The following CLTB variants were observed in gnomAD, a reference collection of about 807,000 sequenced individuals.
The protein encoded by CLTB is clathrin, light chain (Lcb).
In CLTB, 10 loss-of-function variants were observed where a neutral mutation model predicts 30.5. That is an observed-to-expected ratio of 0.33 (90% CI 0.20 to 0.56). The LOEUF is 0.56. Ranked by LOEUF, CLTB falls within the 20% of genes least tolerant of loss-of-function variation. CLTB has a pLI of 0.91. For synonymous variants in CLTB, 102 were observed against 120.3 expected (o/e 0.85, Z 1.00); for missense variants, 261 against 308.3 (o/e 0.85, Z 1.15).
intron 5 of CLTB, among the ~76,000 whole-genome samples, chr5:176,394,496 AC>A (rs1392509461): frequency 2.0e-5 from 3 of 151,830 alleles, no homozygotes; most frequent in Non-Finnish European, 2.9e-5. Flanking sequence ...ACATGGTGAA[AC>A]CCCATCTCTA....
chr5:176,414,681 G>A (rs893976315), intron 1 of CLTB, among the ~76,000 whole-genome samples: 26 of 152,324 alleles, frequency 1.7e-4, no homozygotes, highest in Admixed American at 3.9e-4. Flanking sequence ...AGAGCATGGA[G>A]CCCAGAGTTG....
At chr5:176,398,332 G>A (rs1021755584) in intron 2 of CLTB, among the ~76,000 whole-genome samples, 6 of 152,196 alleles carry the variant, frequency 3.9e-5, no homozygotes, top group South Asian at 2.1e-4. Flanking sequence ...TCAAGAAAGC[G>A]TGTGCCAGCC....
At chr5:176,408,831 G>A (rs72807222) in intron 2 of CLTB, among the ~76,000 whole-genome samples, 4,003 of 152,246 alleles carry the variant, frequency 0.026, 87 homozygotes, top group Non-Finnish European at 0.037. Context: ...GGTTTTCCTC[G>A]TTTTTTGCAG....
intron 2 of CLTB, among the ~76,000 whole-genome samples, chr5:176,402,668 T>C (rs560446432): frequency 6.6e-6 from 1 of 152,314 alleles, no homozygotes; most frequent in South Asian, 2.1e-4. Context: ...CTTTCAAGAA[T>C]ACTGAATGAA....
Position 176,397,681 on chromosome 5 carries a change from C to T in CLTB, c.390G>A (p.Glu130=). 6.2e-7 allele frequency: 1 copy of T among 1,613,716 alleles called. No individual in the cohort carries two copies. The highest frequency in any genetic ancestry group is 8.5e-7 in the Non-Finnish European group (1 of 1,179,950). Residue 130 remains glutamate (E), a synonymous_variant, in exon 4 of 6, where the codon GAG becomes GAA. Coordinates refer to ENST00000310418, the MANE Select transcript of CLTB (RefSeq NM_007097.5). ...ACTCCTCCAGGTCCTTCTTGGCCTTCTCCCGCCATTCCTGTTCCGTGACCT... is the reference window on the plus strand; with the variant it reads ...ACTCCTCCAGGTCCTTCTTGGCCTTTTCCCGCCATTCCTGTTCCGTGACCT... ...ASKVTEQEWR[E]KAKKDLEEWN...
rs1040731033 is a variant in CLTB at position 176,396,520 on chromosome 5, T to A, written c.477A>T (p.Lys159Asn). 2 of 1,613,686 alleles carry A rather than the reference T, an allele frequency of 1.2e-6. No individual in the cohort carries two copies. Among genetic ancestry groups the A allele is most frequent in the Non-Finnish European group, 1.7e-6 (2 of 1,179,858 alleles). Residue 159 changes from lysine (K) to asparagine (N), a missense_variant, in exon 5 of 6, where the codon AAA (lysine) becomes AAT (asparagine). By Grantham distance (94) the Lys-to-Asn change is moderately conservative (BLOSUM62 0). Coordinates refer to ENST00000310418, the MANE Select transcript of CLTB (RefSeq NM_007097.5). ...KNKINNRIAD[K>N]AFYQQPDADI... ...CAGCATCTGGCTGCTGGTAGAATGCTTTGTCAGCGATCCTTGAGGGAAAGG... is the reference window on the plus strand; with the variant it reads ...CAGCATCTGGCTGCTGGTAGAATGCATTGTCAGCGATCCTTGAGGGAAAGG...
intron 1 of CLTB, among the ~76,000 whole-genome samples, chr5:176,413,113 A>G (rs1211271297): frequency 1.3e-5 from 2 of 152,168 alleles, no homozygotes; most frequent in Non-Finnish European, 2.9e-5. Flanking sequence ...ACACCTACAC[A>G]GCATTCCAAG....
chr5:176,414,764 G>A (rs973812068), intron 1 of CLTB, among the ~76,000 whole-genome samples: 8 of 152,118 alleles, frequency 5.3e-5, no homozygotes, highest in African/African-American at 1.4e-4. Context: ...CAGATTCTCT[G>A]GGCCACCGGT....
chr5:176,413,759 G>C (rs978977568), intron 1 of CLTB, among the ~76,000 whole-genome samples: 1 of 152,200 alleles, frequency 6.6e-6, no homozygotes, highest in Admixed American at 6.5e-5. Context: ...GAGAAGGTCA[G>C]ATCAATTCTA....
intron 2 of CLTB, among the ~76,000 whole-genome samples, chr5:176,408,715 CT>C (rs1478959614): frequency 6.6e-6 from 1 of 152,180 alleles, no homozygotes; most frequent in Non-Finnish European, 1.5e-5. Context: ...GAAATGGGGT[CT>C]TACTATGTTG....
intron 1 of CLTB, among the ~76,000 whole-genome samples, chr5:176,412,514 A>G (rs1434524907): frequency 6.6e-6 from 1 of 152,206 alleles, no homozygotes; most frequent in African/African-American, 2.4e-5. Flanking sequence ...AGGCTCTCAG[A>G]AACTGCTGTG....
At chr5:176,415,504 G>A (rs147740001) in intron 1 of CLTB, among the ~76,000 whole-genome samples, 5 of 152,172 alleles carry the variant, frequency 3.3e-5, no homozygotes, top group Non-Finnish European at 7.4e-5. Flanking sequence ...GCAACATAGC[G>A]AGACCCCATC....
At chr5:176,415,622 A>G (rs1438326589) in intron 1 of CLTB, among the ~76,000 whole-genome samples, 1 of 152,262 alleles carries the variant, frequency 6.6e-6, no homozygotes, top group East Asian at 1.9e-4. Flanking sequence ...CTTGAGCCTC[A>G]GTTTTACCAT....
intron 1 of CLTB, among the ~76,000 whole-genome samples, chr5:176,411,805 AC>A (rs774295564): frequency 3.3e-5 from 5 of 151,752 alleles, no homozygotes; most frequent in Non-Finnish European, 7.4e-5. Flanking sequence ...CATCCCACAA[AC>A]CCTAAATTCT....
chr5:176,400,274 A>C (rs1309880140), intron 2 of CLTB, among the ~76,000 whole-genome samples: 1 of 152,220 alleles, frequency 6.6e-6, no homozygotes, highest in Non-Finnish European at 1.5e-5. Flanking sequence ...TTATGATTTA[A>C]TACTATAATA....
At chr5:176,409,112 G>T (rs1453323458) in intron 2 of CLTB, among the ~76,000 whole-genome samples, 1 of 151,906 alleles carries the variant, frequency 6.6e-6, no homozygotes, top group African/African-American at 2.4e-5. Flanking sequence ...AAGTAGTTAG[G>T]ATTATAGGCT....
intron 2 of CLTB, among the ~76,000 whole-genome samples, chr5:176,408,504 C>T (rs1305120244): frequency 6.6e-6 from 1 of 151,230 alleles, no homozygotes; most frequent in Non-Finnish European, 1.5e-5. Flanking sequence ...CCATTGCACT[C>T]CAGCCTGGGC....
At chr5:176,412,130 C>A (rs1006473460) in intron 1 of CLTB, among the ~76,000 whole-genome samples, 2 of 149,746 alleles carry the variant, frequency 1.3e-5, no homozygotes, top group African/African-American at 4.9e-5. Flanking sequence ...GAGCCGAGAT[C>A]CCGCCACTGC....
intron 2 of CLTB, among the ~76,000 whole-genome samples, chr5:176,399,009 A>G (rs947443721): frequency 1.3e-5 from 2 of 151,770 alleles, no homozygotes; most frequent in African/African-American, 4.8e-5. Flanking sequence ...CACCCGGCTA[A>G]TTTTTTGTAG....
Sources: allele counts gnomAD v4.1 joint callset (sites outside exome capture counted in the v4.1 genomes callset), GRCh38; gene constraint gnomAD v4.1.1; transcripts MANE v1.5; gene names NCBI Gene and HGNC (gene_info 2026-07-23, HGNC 2026-07-21).